The following RAB3IL1 variants were observed in gnomAD, a reference collection of about 807,000 sequenced individuals.
RAB3IL1 encodes guanine nucleotide exchange factor for Rab-3A.
A neutral mutation model predicts 49.2 loss-of-function variants in RAB3IL1; 37 were observed. The observed-to-expected ratio is 0.75, with a 90% CI of 0.58 to 0.99. The LOEUF is 0.99. RAB3IL1 is among the 50% of genes least tolerant of loss of function. The pLI is 0.00. For missense variants in RAB3IL1, 484 were observed against 513.0 expected, an observed-to-expected ratio of 0.94 and a Z score of 0.55; for synonymous variants, 193 against 213.9, an observed-to-expected ratio of 0.90 and a Z score of 0.85.
the RAB3IL1 span, among the ~76,000 whole-genome samples, chr11:61,936,543 T>C: frequency 6.6e-6 from 1 of 152,218 alleles, no homozygotes; most frequent in Admixed American, 6.5e-5. Context: ...GGTTTCGCCA[T>C]GTTGACCAAG....
the RAB3IL1 span, among the ~76,000 whole-genome samples, chr11:61,934,625 G>T: frequency 1.2e-3 from 185 of 151,148 alleles, 2 homozygotes; most frequent in Middle Eastern, 0.01. Context: ...CCTAGGGCTG[G>T]GTGCATGCTC....
Position 61,907,434 on chromosome 11 carries a change from G to A in RAB3IL1, c.397C>T (p.Gln133Ter). 1.2e-6 allele frequency: 2 copies of A among 1,614,186 alleles called. No homozygotes were observed. Among genetic ancestry groups the A allele is most frequent in the African/African-American group, 1.3e-5 (1 of 75,058 alleles). The change falls in exon 4 of 10, where the codon CAG (glutamine) becomes TAG (stop). Residue 133 changes from glutamine to a stop codon, truncating the protein, a stop_gained. Coordinates refer to ENST00000394836, the MANE Select transcript of RAB3IL1 (RefSeq NM_013401.4). LOFTEE classifies it high-confidence loss of function. ...HKMVREANMK[Q>*]AASEKQLKEA... The stretch of plus-strand genomic sequence containing the variant: ...TTCAGCTGCTTTTCTGATGCCGCCT[G>A]CTTCATGTTGGCTTCTCGAACCATC...
At position 61,906,447 on chromosome 11, in the gene RAB3IL1, G is replaced by A; in HGVS notation, c.657+19C>T. 1 of 1,538,132 alleles carries A rather than the reference G, an allele frequency of 6.5e-7. No homozygotes were observed. Among genetic ancestry groups the A allele is most frequent in the Non-Finnish European group, 8.7e-7 (1 of 1,145,218 alleles). Reference sequence around the variant, plus strand: ...ACTGCCACCCTTCCCCGTGCCCAGAGCCCGCTTCCCACCCTCACCTCCTTG... The same window carrying A: ...ACTGCCACCCTTCCCCGTGCCCAGAACCCGCTTCCCACCCTCACCTCCTTG... On this transcript the variant is annotated intron_variant, in intron 5 of 9. Transcript: ENST00000394836. The surrounding 1 kb of genome is among the most constrained non-coding windows in gnomAD (Gnocchi z 4.6).
chr11:61,926,380 G>A, the RAB3IL1 span, among the ~76,000 whole-genome samples: 2 of 152,148 alleles, frequency 1.3e-5, no homozygotes, highest in African/African-American at 4.8e-5. Flanking sequence ...TGTAGCGGGG[G>A]ATTCAGACAT....
chr11:61,934,163 A>G, the RAB3IL1 span, among the ~76,000 whole-genome samples: 2 of 151,800 alleles, frequency 1.3e-5, no homozygotes, highest in Admixed American at 1.3e-4. Context: ...CAAGCAAAAG[A>G]GATGGGATCT....
chr11:61,929,212 GTTA>G, the RAB3IL1 span, among the ~76,000 whole-genome samples: 3 of 152,126 alleles, frequency 2.0e-5, no homozygotes, highest in South Asian at 4.1e-4. Context: ...TATATGATAA[GTTA>G]TTGTTAATAT....
rs190985137 is a variant in RAB3IL1, at chr11:61,916,945, C to T, written c.11+412G>A. Among the ~76,000 whole-genome samples the T allele has an allele frequency of 3.8e-3, 580 of 152,242 alleles. 1 individual carries two copies. Among genetic ancestry groups the T allele is most frequent in the Middle Eastern group, 0.017 (5 of 294 alleles). On this transcript the variant is annotated intron_variant, in intron 1 of 9. Transcript: ENST00000394836. ...GGAGCCACCCTGGCAAAGACCCAGC[C>T]CCTCTTTCCCAGCTACACTGCTTTC...
At chr11:61,910,393 C>T (rs968182469) in intron 1 of RAB3IL1, among the ~76,000 whole-genome samples, 1 of 152,206 alleles carries the variant, frequency 6.6e-6, no homozygotes, top group Non-Finnish European at 1.5e-5. Context: ...AAGGCAGGGC[C>T]TGGGCAGGGG....
the RAB3IL1 span, among the ~76,000 whole-genome samples, chr11:61,931,316 C>T: frequency 6.6e-6 from 1 of 152,310 alleles, no homozygotes; most frequent in Admixed American, 6.5e-5. Flanking sequence ...CCTCTTCTGT[C>T]ACTTGTCAGC....
In RAB3IL1 at chr11:61,897,788, C is replaced by T. The variant is rs748030064; in HGVS notation, c.*490G>A. On this transcript the variant is annotated 3_prime_UTR_variant, in exon 10 of 10. Coordinates refer to ENST00000394836, the MANE Select transcript of RAB3IL1 (RefSeq NM_013401.4). The stretch of plus-strand genomic sequence containing the variant: ...CCTAGTAGTCCAATAGGGAGGCCAC[C>T]GGGAACAAGGCACAGGATGGCCACA... The T allele has an allele frequency of 2.5e-4, 40 of 159,436 alleles. No individual in the cohort carries two copies. The highest frequency in any genetic ancestry group is 4.8e-4 in the Non-Finnish European group (35 of 72,536). 9.9% of individuals were successfully genotyped at this position (159,436 alleles called of 1,614,324 possible).
At chr11:61,925,701 G>T in the RAB3IL1 span, among the ~76,000 whole-genome samples, 9 of 152,044 alleles carry the variant, frequency 5.9e-5, no homozygotes, top group Non-Finnish European at 1.2e-4. Flanking sequence ...CAGGTAAAAG[G>T]CCTGGAGGTG....
intron 1 of RAB3IL1, among the ~76,000 whole-genome samples, chr11:61,912,131 A>G (rs1292668033): frequency 5.9e-5 from 9 of 152,234 alleles, no homozygotes; most frequent in Admixed American, 5.2e-4. Flanking sequence ...GGGAGGGGAC[A>G]GCAAGGGTGG....
the RAB3IL1 span, among the ~76,000 whole-genome samples, chr11:61,928,161 A>AG: frequency 2.0e-5 from 3 of 151,194 alleles, no homozygotes; most frequent in Non-Finnish European, 2.9e-5. Flanking sequence ...TTCCTGCTAC[A>AG]GAAAAAAAAA....
Position 61,902,436 on chromosome 11 carries a change from ACT to A in RAB3IL1, c.999+4_999+5del. The stretch of plus-strand genomic sequence containing the variant: ...AGTCAAGTAACGCTTGCAAAGGCTG[ACT>A]CACCCTGGCCCGGGAAGATGGCGAG... On this transcript the variant is annotated splice_donor_5th_base_variant and intron_variant, in intron 8 of 9. Transcript: ENST00000394836. 1 of 1,581,306 alleles carries A rather than the reference ACT, an allele frequency of 6.3e-7. No homozygotes were observed. Among genetic ancestry groups the A allele is most frequent in the Non-Finnish European group, 8.6e-7 (1 of 1,164,954 alleles).
the RAB3IL1 span, among the ~76,000 whole-genome samples, chr11:61,944,254 C>CCTTCCTTT: frequency 3.3e-5 from 5 of 150,046 alleles, no homozygotes; most frequent in East Asian, 1.9e-4. Context: ...TTCCTTCCTT[C>CCTTCCTTT]CTTCCTTCCT....
At chr11:61,928,818 C>T in the RAB3IL1 span, among the ~76,000 whole-genome samples, 1 of 152,182 alleles carries the variant, frequency 6.6e-6, no homozygotes, top group African/African-American at 2.4e-5. Context: ...AAGCAGTGAG[C>T]TCACAATCAG....
the RAB3IL1 span, among the ~76,000 whole-genome samples, chr11:61,940,197 T>C: frequency 6.6e-6 from 1 of 152,092 alleles, no homozygotes; most frequent in African/African-American, 2.4e-5. Context: ...ATCCCAGCAC[T>C]TTGGGAGGCC....
At chr11:61,922,606 TG>T (rs35273542), upstream of RAB3IL1, among the ~76,000 whole-genome samples, 58,080 of 151,860 alleles carry the variant, frequency 0.38, 12,192 homozygotes, top group Middle Eastern at 0.57. Context: ...CTTCCTTCAG[TG>T]TTTCCTGCCC....
chr11:61,918,456 C>T (rs182560393), upstream of RAB3IL1, among the ~76,000 whole-genome samples: 6 of 152,350 alleles, frequency 3.9e-5, no homozygotes, highest in African/African-American at 9.6e-5. Flanking sequence ...TGACTCAGGC[C>T]GCAGGCTCAA....
Sources: allele counts gnomAD v4.1 joint callset (sites outside exome capture counted in the v4.1 genomes callset), GRCh38; gene constraint gnomAD v4.1.1; non-coding constraint Gnocchi (gnomAD v3.1); transcripts MANE v1.5; gene names NCBI Gene and HGNC (gene_info 2026-07-23, HGNC 2026-07-21).